ABI3BP: variants seen among roughly 807,000 people sequenced by gnomAD.
ABI3BP encodes the protein target of Nesh-SH3.
In ABI3BP, 216 loss-of-function variants were observed where a neutral mutation model predicts 268.6. The observed-to-expected ratio is 0.80, with a 90% CI of 0.72 to 0.90. The LOEUF (loss-of-function observed/expected upper bound fraction) is 0.90. Among genes scored for constraint, ABI3BP ranks in the 40% least tolerant of loss-of-function variants. The pLI, the probability that ABI3BP is intolerant of heterozygous loss-of-function variation, is 0.00. For synonymous variants in ABI3BP, 730 were observed against 730.0 expected (o/e 1.00, Z 0.00); for missense variants, 2,090 against 2,182.4 (o/e 0.96, Z 0.84).
intron 44 of ABI3BP, 73 bp downstream of exon 44, chr3:100,815,839 G>A: frequency 1.9e-6 from 2 of 1,075,166 alleles, no homozygotes; most frequent in Non-Finnish European, 1.3e-6. Context: ...AAGCAACTCT[G>A]GTCATGACAG....
intron 19 of ABI3BP, 92 bp from the exon 20 acceptor site, chr3:100,846,538 T>C: frequency 1.2e-6 from 1 of 852,090 alleles, no homozygotes; most frequent in Non-Finnish European, 1.8e-6. Flanking sequence ...AAATAAACTA[T>C]ACATTAAATG....
At chr3:100,950,802 C>T (rs1237569375) in intron 1 of ABI3BP, among the ~76,000 whole-genome samples, 1 of 151,880 alleles carries the variant, frequency 6.6e-6, no homozygotes, top group African/African-American at 2.4e-5. Context: ...CTCTAATCAT[C>T]ATATGCATGT....
In ABI3BP at chr3:100,967,892, A is replaced by G. The variant is rs191086754; in HGVS notation, c.79+25414T>C. On this transcript the variant is annotated intron_variant, in intron 1 of 67. Coordinates refer to ENST00000471714, the MANE Select transcript of ABI3BP (RefSeq NM_001375547.2). ...TCACAAGGGGCACAGAAAAAGAAAAAAAATGAAAAAACAATGCATGCCTAT... is the reference window on the plus strand; with the variant it reads ...TCACAAGGGGCACAGAAAAAGAAAAGAAATGAAAAAACAATGCATGCCTAT... Among the ~76,000 whole-genome samples the G allele has an allele frequency of 1.1e-3, 162 of 152,320 alleles. 1 individual carries two copies. The highest frequency in any genetic ancestry group is 3.8e-3 in the African/African-American group (158 of 41,574).
At chr3:100,800,341 G>A in intron 51 of ABI3BP, among the ~76,000 whole-genome samples, 1 of 151,470 alleles carries the variant, frequency 6.6e-6, no homozygotes, top group South Asian at 2.1e-4. Flanking sequence ...TCTCCTAATT[G>A]TCTAAAGAAA....
chr3:100,980,678 G>T (rs1210058109), intron 1 of ABI3BP, among the ~76,000 whole-genome samples: 1 of 152,206 alleles, frequency 6.6e-6, no homozygotes, highest in Non-Finnish European at 1.5e-5. Flanking sequence ...GCCAGCCAGA[G>T]AAATGGAGAT....
At chr3:100,947,681 T>C (rs2073113317) in intron 1 of ABI3BP, among the ~76,000 whole-genome samples, 1 of 152,076 alleles carries the variant, frequency 6.6e-6, no homozygotes, top group African/African-American at 2.4e-5. Flanking sequence ...AATAAATTAA[T>C]TTAAATGGTA....
chr3:100,865,595 C>T (rs141509866), intron 10 of ABI3BP, among the ~76,000 whole-genome samples: 2 of 152,230 alleles, frequency 1.3e-5, no homozygotes, highest in East Asian at 3.9e-4. Context: ...AATTGAGAGC[C>T]AGAAAGCCCC....
Position 100,750,574 on chromosome 3 carries a change from A to C in ABI3BP, c.5282T>G (p.Phe1761Cys). The stretch of plus-strand genomic sequence containing the variant: ...TTGGGTGTGACCACCTATTTCTCCA[A>C]ATTGGACAGGTTCCTGGCGAACTGC... ...FRAVRQEPVQ[F>C]GEIGGHTQIN... is the part of the protein sequence containing the mutation. Residue 1761 changes from phenylalanine to cysteine, a missense_variant, in exon 68 of 68, where the codon TTT becomes TGT. Transcript: ENST00000471714. The C allele has an allele frequency of 6.2e-7, 1 of 1,613,114 alleles. No individual in the cohort carries two copies. The highest frequency in any genetic ancestry group is 8.5e-7 in the Non-Finnish European group (1 of 1,179,412).
intron 9 of ABI3BP, among the ~76,000 whole-genome samples, chr3:100,872,590 C>A (rs1364319461): frequency 6.6e-6 from 1 of 152,216 alleles, no homozygotes; most frequent in East Asian, 1.9e-4. Context: ...TGAGATTGGC[C>A]AGCTCCTTTT....
intron 14 of ABI3BP, among the ~76,000 whole-genome samples, chr3:100,856,468 A>G (rs1364711848): frequency 6.6e-6 from 1 of 152,228 alleles, no homozygotes; most frequent in East Asian, 1.9e-4. Context: ...GGAAGTCTCT[A>G]CAAGATAACT....
chr3:100,993,206 A>C (rs2093225613), intron 1 of ABI3BP, 100 bp downstream of exon 1: 1 of 840,996 alleles, frequency 1.2e-6, no homozygotes, highest in South Asian at 1.9e-5. Context: ...GAATAACTCT[A>C]TTCCCCCCGT....
At position 100,866,475 on chromosome 3, in the gene ABI3BP, T is replaced by C. The variant is rs1015753793; in HGVS notation, c.988+404A>G. On this transcript the variant is annotated intron_variant, in intron 10 of 67. Transcript: ENST00000471714. ...TCTAAATGATTCCAGGGTATTTTCA[T>C]AGATATTAAGCTATGGATTTGTGAA... Among the ~76,000 whole-genome samples the C allele has an allele frequency of 2.6e-5, 4 of 152,326 alleles. No individual in the cohort carries two copies. In the South Asian group the frequency reaches 8.3e-4, roughly 32 times the overall value.
At chr3:100,844,064 C>T (rs2098740098) in intron 20 of ABI3BP, 1 of 981,538 alleles carries the variant, frequency 1.0e-6, no homozygotes, top group African/African-American at 1.8e-5. Context: ...TATCTTCTGA[C>T]ACGCCTTCTA....
At position 100,846,379 on chromosome 3, in the gene ABI3BP, G is replaced by GGT; in HGVS notation, c.1714_1715dup (p.Lys573ProfsTer17). ...AAAGTTTAGGGTAATTACCAGGTTT[G>GGT]GTGTGTGTCACTTCTGGGCTGAGAG... On this transcript the variant is annotated frameshift_variant, in exon 20 of 68. Transcript: ENST00000471714. LOFTEE classifies it high-confidence loss of function. 1.3e-6 allele frequency: 2 copies of GGT among 1,596,592 alleles called. No individual in the cohort carries two copies. The highest frequency in any genetic ancestry group is 8.5e-7 in the Non-Finnish European group (1 of 1,170,504).
chr3:100,975,100 ATTAT>A (rs1292256649), intron 1 of ABI3BP, among the ~76,000 whole-genome samples: 1 of 152,162 alleles, frequency 6.6e-6, no homozygotes, highest in African/African-American at 2.4e-5. Flanking sequence ...TAATCTGAAG[ATTAT>A]TTAATAATTC....
chr3:100,834,917 T>C (rs753179157), intron 28 of ABI3BP, 144 bp from the exon 29 acceptor site: 1 of 683,820 alleles, frequency 1.5e-6, no homozygotes, highest in Non-Finnish European at 2.4e-6. Context: ...ATCATCTATA[T>C]GCAAAAATAT....
At chr3:100,915,578 G>C (rs755479316) in intron 2 of ABI3BP, among the ~76,000 whole-genome samples, 1 of 152,218 alleles carries the variant, frequency 6.6e-6, no homozygotes, top group African/African-American at 2.4e-5. Context: ...CAAACTAGGG[G>C]AGGGGCTGGG....
intron 36 of ABI3BP, 73 bp from the exon 37 acceptor site, chr3:100,823,587 A>G: frequency 1.8e-6 from 2 of 1,133,692 alleles, no homozygotes. Context: ...ATGCAAACAA[A>G]TTTTACTGGT....
At chr3:100,864,801 T>A (rs963640661) in intron 11 of ABI3BP, 32 bp downstream of exon 11, 38 of 1,517,288 alleles carry the variant, frequency 2.5e-5, no homozygotes, top group Non-Finnish European at 3.4e-5. Context: ...TACTTTTGTT[T>A]TTTTAGAAAA....
Sources: gnomAD v4.1 joint callset for allele counts (sites outside exome capture counted in the v4.1 genomes callset) on GRCh38, gnomAD v4.1.1 for gene constraint, MANE v1.5 for transcripts, NCBI Gene and HGNC (gene_info 2026-07-23, HGNC 2026-07-21) for gene names.